Variants in MYH11 observed in about 807,000 individuals in gnomAD.
The protein encoded by MYH11 is myosin heavy chain 11.
In MYH11, 80 loss-of-function variants were observed where a neutral mutation model predicts 246.6. The observed-to-expected ratio is 0.32, with a 90% CI of 0.27 to 0.39. The LOEUF (loss-of-function observed/expected upper bound fraction) is 0.39, where lower values mean the gene tolerates loss of function less well. MYH11 is among the 10% of genes least tolerant of loss of function. The probability of loss-of-function intolerance (pLI) is 1.00; values close to 1 mark genes in which losing one functional copy is unlikely to be tolerated. For missense variants in MYH11, 2,158 were observed against 2,546.8 expected, an observed-to-expected ratio of 0.85 and a Z score of 3.29; for synonymous variants, 1,071 against 1,015.5, an observed-to-expected ratio of 1.05 and a Z score of -1.04.
intron 3 of MYH11, among the ~76,000 whole-genome samples, chr16:15,811,090 T>G (rs1361623648): frequency 6.6e-6 from 1 of 152,124 alleles, no homozygotes; most frequent in Admixed American, 6.6e-5. Context: ...GGTTCAATCC[T>G]CATTGGGGGA....
rs770292380 is a variant in MYH11, at chr16:15,719,325, A to G, written c.5083-17T>C. ...GGCGAGGTCCTAGGTGGGAGGGAGG[A>G]AGGCTGTTGTCTGCCAGGGAAAGGC... is the stretch of plus-strand genomic sequence containing the variant. On this transcript the variant is annotated splice_polypyrimidine_tract_variant and intron_variant, in intron 35 of 40. Transcript: ENST00000300036. The G allele has an allele frequency of 1.4e-5, 22 of 1,608,010 alleles. No individual in the cohort carries two copies. In the African/African-American group the frequency reaches 2.8e-4, roughly 21 times the overall value.
chr16:15,765,378 T>G (rs1320540660), intron 9 of MYH11, among the ~76,000 whole-genome samples: 1 of 151,588 alleles, frequency 6.6e-6, no homozygotes, highest in African/African-American at 2.4e-5. Context: ...GATTGATGGA[T>G]AGACGATGGA....
intron 3 of MYH11, among the ~76,000 whole-genome samples, chr16:15,800,447 G>T (rs2042855162): frequency 6.6e-6 from 1 of 151,682 alleles, no homozygotes; most frequent in Non-Finnish European, 1.5e-5. Flanking sequence ...AAGAAGAAAG[G>T]AGGGAAGGGT....
chr16:15,768,119 G>A (rs2042024006), intron 9 of MYH11, among the ~76,000 whole-genome samples: 1 of 151,970 alleles, frequency 6.6e-6, no homozygotes, highest in Non-Finnish European at 1.5e-5. Flanking sequence ...CTCCAGAACT[G>A]GGAGAGAATA....
chr16:15,779,121 A>C, intron 6 of MYH11: 1 of 551,944 alleles, frequency 1.8e-6, no homozygotes, highest in East Asian at 3.2e-5. Context: ...GGCTATCCCT[A>C]TTTAAAAAAA....
chr16:15,801,710 A>G (rs529966919), intron 3 of MYH11, among the ~76,000 whole-genome samples: 3 of 152,056 alleles, frequency 2.0e-5, no homozygotes, highest in African/African-American at 7.2e-5. Flanking sequence ...TAATCCCAGC[A>G]CTTCGGAAGG....
intron 3 of MYH11, among the ~76,000 whole-genome samples, chr16:15,803,841 C>T (rs1008735617): frequency 3.3e-5 from 5 of 152,158 alleles, no homozygotes; most frequent in African/African-American, 4.8e-5. Context: ...GAGCTGCCAG[C>T]GCGGCTCCGA....
intron 2 of MYH11, among the ~76,000 whole-genome samples, chr16:15,829,475 A>G (rs893719456): frequency 6.6e-6 from 1 of 152,176 alleles, no homozygotes; most frequent in African/African-American, 2.4e-5. Flanking sequence ...GGGCTTCAGC[A>G]TCGGGCTCTT....
chr16:15,708,347 A>G (rs2039580489), intron 40 of MYH11, among the ~76,000 whole-genome samples: 1 of 152,216 alleles, frequency 6.6e-6, no homozygotes, highest in African/African-American at 2.4e-5. Context: ...CCAGCCAACT[A>G]GAAGCCAAGT....
chr16:15,747,523 T>G, intron 19 of MYH11, 47 bp downstream of exon 19: 1 of 1,612,506 alleles, frequency 6.2e-7, no homozygotes, highest in Non-Finnish European at 8.5e-7. Context: ...AAGGCCCCTG[T>G]TTGTGATTCG....
In MYH11 at chr16:15,747,897, C is replaced by T. The variant is rs1031350298; in HGVS notation, c.2227G>A (p.Gly743Arg). 4.3e-6 allele frequency: 7 copies of T among 1,613,800 alleles called. No individual in the cohort carries two copies. Among genetic ancestry groups the T allele is most frequent in the Middle Eastern group, 1.6e-4 (1 of 6,084 alleles). Residue 743 changes from glycine to arginine, a missense_variant, in exon 18 of 41, where the codon GGG becomes AGG. Coordinates refer to ENST00000300036, the MANE Select transcript of MYH11 (RefSeq NM_002474.3). ...ACCATGAGAATGCAGGCCTGCTTCC[C>T]GTCCATGAAGCCTTTGGGGATGGCA... is the stretch of plus-strand genomic sequence containing the variant. ...ANAIPKGFMDGKQACILMIKA... is the reference protein window; with the variant it reads ...ANAIPKGFMDRKQACILMIKA...
rs76536311 is a variant in MYH11, at chr16:15,729,312, T to C, written c.3652-2258A>G. Among the ~76,000 whole-genome samples, 67 of 152,084 alleles carry C rather than the reference T, an allele frequency of 4.4e-4. 1 individual carries two copies. In the East Asian group the frequency reaches 0.011, roughly 24 times the overall value. ...CCAGGTCTCTACATCAGAATTCAAG[T>C]TGTTAGAGGCAAAGGCCTCTGTTTC... On this transcript the variant is annotated intron_variant, in intron 27 of 40. Transcript: ENST00000300036.
intron 13 of MYH11, among the ~76,000 whole-genome samples, chr16:15,757,036 G>C (rs2041742725): frequency 6.6e-6 from 1 of 151,374 alleles, no homozygotes; most frequent in African/African-American, 2.4e-5. Context: ...CTGACCTCGT[G>C]ATCCGCCCGC....
chr16:15,813,248 G>A (rs1478478371), intron 3 of MYH11, among the ~76,000 whole-genome samples: 1 of 151,984 alleles, frequency 6.6e-6, no homozygotes, highest in African/African-American at 2.4e-5. Context: ...AGCTACTTGG[G>A]AAGCTGAGGC....
At chr16:15,829,992 A>G (rs1282121628) in intron 2 of MYH11, among the ~76,000 whole-genome samples, 2 of 152,052 alleles carry the variant, frequency 1.3e-5, no homozygotes, top group Admixed American at 6.6e-5. Flanking sequence ...AAAATTAGCA[A>G]GGTGTGGTGG....
intron 3 of MYH11, among the ~76,000 whole-genome samples, chr16:15,803,879 C>T (rs1375206832): frequency 6.6e-6 from 1 of 152,168 alleles, no homozygotes; most frequent in Non-Finnish European, 1.5e-5. Flanking sequence ...GACCTCTGGC[C>T]TGACGTTCCC....
chr16:15,738,646 T>G lies in MYH11; in HGVS notation c.3040A>C (p.Asn1014His), dbSNP rs1347671761. 1 of 1,614,080 alleles carries G rather than the reference T, an allele frequency of 6.2e-7. No individual in the cohort carries two copies. Among genetic ancestry groups the G allele is most frequent in the South Asian group, 1.1e-5 (1 of 91,068 alleles). ...GCCTTTTCTTCCTCTTCTGCAAGAT[T>G]TGTCGTTAAGTCACTAATCCTCTCC... The part of the protein sequence containing the change: ...LEERISDLTT[N>H]LAEEEEKAKN... Residue 1014 changes from asparagine to histidine, a missense_variant, in exon 24 of 41, where the codon AAT (asparagine) becomes CAT (histidine). Around this residue, in one of 11 missense-constraint regions of MYH11, gnomAD observed 284 missense variants for 315.4 expected, o/e 0.90. Coordinates refer to ENST00000300036, the MANE Select transcript of MYH11 (RefSeq NM_002474.3).
rs566821376 is a variant in MYH11 at position 15,753,412 on chromosome 16, C to T, written c.1846G>A (p.Ala616Thr). 6.2e-7 allele frequency: 1 copy of T among 1,614,106 alleles called. No homozygotes were observed. Among genetic ancestry groups the T allele is most frequent in the Non-Finnish European group, 8.5e-7 (1 of 1,180,002 alleles). Residue 616 changes from alanine (A) to threonine (T), a missense_variant, in exon 15 of 41, where the codon GCC becomes ACC. By Grantham distance (58) the Ala-to-Thr change is moderately conservative. Coordinates refer to ENST00000300036, the MANE Select transcript of MYH11 (RefSeq NM_002474.3). ...LLNASSDKFV[A>T]DLWKDVDRIV... The stretch of plus-strand genomic sequence containing the variant: ...GCCTTACCGTCCTTCCACAGGTCGG[C>T]CACAAACTTGTCGGAGGAGGCATTG...
intron 8 of MYH11, chr16:15,775,702 G>A (rs1359236267): frequency 8.1e-6 from 2 of 246,532 alleles, no homozygotes; most frequent in Non-Finnish European, 1.6e-5. Context: ...AAACCAGAAT[G>A]CATCTTTTAT....
Sources: gnomAD v4.1 joint callset for allele counts (sites outside exome capture counted in the v4.1 genomes callset) on GRCh38, gnomAD v4.1.1 for gene constraint, gnomAD v4.1.1 regional missense constraint, MANE v1.5 for transcripts, NCBI Gene and HGNC (gene_info 2026-07-23, HGNC 2026-07-21) for gene names.